Variants in BICC1 observed in about 807,000 individuals in gnomAD.
The protein encoded by BICC1 is BicC family RNA binding protein 1.
In BICC1, 43 loss-of-function variants were observed where a neutral mutation model predicts 111.0. That is an observed-to-expected ratio of 0.39 (90% CI 0.30 to 0.50). BICC1 has a LOEUF of 0.50. BICC1 is among the 20% of genes least tolerant of loss of function. The probability of loss-of-function intolerance (pLI) is 0.88; values close to 1 mark genes in which losing one functional copy is unlikely to be tolerated. For missense variants in BICC1, 1,091 were observed against 1,203.2 expected (o/e 0.91, Z 1.38); for synonymous variants, 467 against 434.4 (o/e 1.07, Z -0.93).
chr10:58,823,541 T>G, intron 20 of BICC1: 1 of 984,106 alleles, frequency 1.0e-6, no homozygotes, highest in Non-Finnish European at 1.2e-6. Context: ...GTTTCAAAGA[T>G]CTAGCTGATG....
intron 1 of BICC1, among the ~76,000 whole-genome samples, chr10:58,562,145 T>C (rs1286987540): frequency 6.6e-6 from 1 of 152,178 alleles, no homozygotes; most frequent in East Asian, 1.9e-4. Context: ...TATCGTATCT[T>C]TTCCATGACT....
chr10:58,756,049 C>T (rs1244272359), intron 3 of BICC1, among the ~76,000 whole-genome samples: 1 of 152,142 alleles, frequency 6.6e-6, no homozygotes, highest in East Asian at 1.9e-4. Flanking sequence ...TTTGCCTCTT[C>T]TTATCCTGGG....
At chr10:58,521,694 T>C (rs1443630633) in intron 1 of BICC1, among the ~76,000 whole-genome samples, 2 of 151,530 alleles carry the variant, frequency 1.3e-5, no homozygotes, top group African/African-American at 4.8e-5. Context: ...GAATTTTATC[T>C]TACCTGCTTA....
intron 2 of BICC1, among the ~76,000 whole-genome samples, chr10:58,661,827 T>G (rs1588987467): frequency 6.6e-6 from 1 of 152,166 alleles, no homozygotes; most frequent in Non-Finnish European, 1.5e-5. Context: ...ATAATTTGGC[T>G]TTTAACATAT....
At chr10:58,655,965 A>G in intron 2 of BICC1, among the ~76,000 whole-genome samples, 1 of 152,154 alleles carries the variant, frequency 6.6e-6, no homozygotes, top group Non-Finnish European at 1.5e-5. Flanking sequence ...ACTAATAAAG[A>G]AAAAAAGAGA....
chr10:58,645,094 G>A (rs868196225), intron 2 of BICC1, among the ~76,000 whole-genome samples: 6 of 152,122 alleles, frequency 3.9e-5, no homozygotes, highest in Non-Finnish European at 7.4e-5. Flanking sequence ...TCAAAGTAGG[G>A]AAGCTCATGA....
chr10:58,726,464 CCTA>C (rs1485983735), intron 3 of BICC1, among the ~76,000 whole-genome samples: 1 of 152,166 alleles, frequency 6.6e-6, no homozygotes, highest in Non-Finnish European at 1.5e-5. Context: ...GGGATTTGCA[CCTA>C]CAGTTCATCC....
rs747057691 is a variant in BICC1 at position 58,564,143 on chromosome 10, T to C, written c.190+50810T>C. Among the ~76,000 whole-genome samples, 90 of 152,204 alleles carry C rather than the reference T, an allele frequency of 5.9e-4. 1 individual carries two copies. The highest frequency in any genetic ancestry group is 3.9e-3 in the Admixed American group (59 of 15,276). Reference sequence around the variant, plus strand: ...TTACATACAACATAGTAATTTTGAGTATTGTTTTGGTCACTCTTCTTTTTC... The same window carrying C: ...TTACATACAACATAGTAATTTTGAGCATTGTTTTGGTCACTCTTCTTTTTC... On this transcript the variant is annotated intron_variant, in intron 1 of 20. Transcript: ENST00000373886.
chr10:58,528,463 C>T (rs918455299), intron 1 of BICC1, among the ~76,000 whole-genome samples: 5 of 151,694 alleles, frequency 3.3e-5, no homozygotes, highest in South Asian at 2.1e-4. Flanking sequence ...ATTTCATTGC[C>T]GACACTGAAT....
intron 1 of BICC1, among the ~76,000 whole-genome samples, chr10:58,559,899 T>G (rs1016174797): frequency 1.3e-5 from 2 of 152,062 alleles, no homozygotes; most frequent in African/African-American, 4.8e-5. Context: ...TTGCATGTAT[T>G]CCTGGGATAA....
At chr10:58,801,589 T>G (rs1051866546) in intron 14 of BICC1, among the ~76,000 whole-genome samples, 21 of 74,186 alleles carry the variant, frequency 2.8e-4, no homozygotes, top group African/African-American at 1.2e-3. Flanking sequence ...TATGTCATCC[T>G]TACTCTTTTT....
At chr10:58,616,241 G>A (rs1233220287) in intron 1 of BICC1, among the ~76,000 whole-genome samples, 1 of 152,234 alleles carries the variant, frequency 6.6e-6, no homozygotes, top group Non-Finnish European at 1.5e-5. Flanking sequence ...TAAAGAAGGG[G>A]AAGATGCCCT....
intron 1 of BICC1, 72 bp from the exon 2 acceptor site, chr10:58,620,783 A>G (rs886575743): frequency 7.6e-6 from 11 of 1,454,038 alleles, no homozygotes; most frequent in African/African-American, 5.6e-5. Context: ...GCATTCTCAT[A>G]TCTGATGCTC....
chr10:58,665,309 CT>C (rs1838975365), intron 2 of BICC1, among the ~76,000 whole-genome samples: 1 of 152,068 alleles, frequency 6.6e-6, no homozygotes, highest in Admixed American at 6.6e-5. Flanking sequence ...GATAACTTCT[CT>C]TGTGTTTTTA....
At chr10:58,530,549 A>G (rs534160488) in intron 1 of BICC1, among the ~76,000 whole-genome samples, 2 of 151,882 alleles carry the variant, frequency 1.3e-5, no homozygotes, top group South Asian at 4.1e-4. Context: ...TAAGATTGAG[A>G]TGAGACATTG....
chr10:58,665,643 C>CA (rs1425830229), intron 2 of BICC1, among the ~76,000 whole-genome samples: 2 of 150,440 alleles, frequency 1.3e-5, no homozygotes, highest in Non-Finnish European at 3.0e-5. Context: ...ACCAGGCACT[C>CA]ATCTACACTG....
chr10:58,513,022 G>A lies in BICC1; in HGVS notation c.-122G>A, dbSNP rs1388999237. 1.5e-6 allele frequency: 1 copy of A among 678,128 alleles called. No individual in the cohort carries two copies. The highest frequency in any genetic ancestry group is 1.9e-5 in the African/African-American group (1 of 52,122). 42.0% of individuals were successfully genotyped at this position (678,128 alleles called of 1,614,324 possible). A position where few individuals can be genotyped will look rare whatever the true frequency, so the allele number is the denominator to read the frequency against. The stretch of plus-strand genomic sequence containing the variant: ...CGGCGGCGTTGGCGGTGGCGTCGGC[G>A]GCTGCAGGGGGACGAGCTAGCGCCG... On this transcript the variant is annotated 5_prime_UTR_variant, in exon 1 of 21. Transcript: ENST00000373886.
At chr10:58,573,110 C>G (rs1268235699) in intron 1 of BICC1, among the ~76,000 whole-genome samples, 1 of 152,080 alleles carries the variant, frequency 6.6e-6, no homozygotes, top group Non-Finnish European at 1.5e-5. Context: ...GCATGTTCTT[C>G]CTGCTTGGCT....
At chr10:58,559,221 G>A (rs1843539668) in intron 1 of BICC1, among the ~76,000 whole-genome samples, 1 of 152,012 alleles carries the variant, frequency 6.6e-6, no homozygotes, top group South Asian at 2.1e-4. Context: ...AGAAATCTCA[G>A]TGTTCAGTCA....
Sources: allele counts gnomAD v4.1 joint callset (sites outside exome capture counted in the v4.1 genomes callset), GRCh38; gene constraint gnomAD v4.1.1; transcripts MANE v1.5; gene names NCBI Gene and HGNC (gene_info 2026-07-23, HGNC 2026-07-21).